CYSLTR2: variants seen among roughly 807,000 people sequenced by gnomAD.
CYSLTR2 encodes G-protein coupled receptor GPCR21.
For missense variants in CYSLTR2, 398 were observed against 411.9 expected, an observed-to-expected ratio of 0.97 and a Z score of 0.29; for synonymous variants, 179 against 160.8, an observed-to-expected ratio of 1.11 and a Z score of -0.86.
chr13:48,686,916 G>A (rs1297189135), intron 1 of CYSLTR2, among the ~76,000 whole-genome samples: 6 of 152,184 alleles, frequency 3.9e-5, no homozygotes, highest in East Asian at 1.9e-4. Context: ...TGACTTCTGC[G>A]TATGTCTGTG....
At chr13:48,672,274 C>A (rs991436354) in intron 1 of CYSLTR2, among the ~76,000 whole-genome samples, 1 of 152,026 alleles carries the variant, frequency 6.6e-6, no homozygotes, top group African/African-American at 2.4e-5. Context: ...GTGTCTCTAT[C>A]TCTTTCAGTT....
chr13:48,674,874 C>A (rs7982278), intron 1 of CYSLTR2, among the ~76,000 whole-genome samples: 31,229 of 152,176 alleles, frequency 0.21, 3,451 homozygotes, highest in South Asian at 0.27. Context: ...TTCTAACAGT[C>A]AGGCCTGTCT....
chr13:48,670,262 G>T (rs150809170), intron 1 of CYSLTR2, among the ~76,000 whole-genome samples: 1 of 152,268 alleles, frequency 6.6e-6, no homozygotes, highest in African/African-American at 2.4e-5. Context: ...CTTTTGCTGT[G>T]CAGAAGCTCT....
At chr13:48,688,427 G>A (rs1953951470) in intron 1 of CYSLTR2, among the ~76,000 whole-genome samples, 1 of 152,072 alleles carries the variant, frequency 6.6e-6, no homozygotes, top group Non-Finnish European at 1.5e-5. Context: ...TGGCCAATAG[G>A]CCCTGATGTG....
intron 1 of CYSLTR2, among the ~76,000 whole-genome samples, chr13:48,677,281 A>T (rs1028237055): frequency 1.3e-5 from 2 of 151,416 alleles, no homozygotes; most frequent in African/African-American, 4.8e-5. Flanking sequence ...GTCTCCTCTG[A>T]GGTGGAGGGC....
chr13:48,660,650 T>C (rs1953105042), intron 1 of CYSLTR2, among the ~76,000 whole-genome samples: 1 of 152,208 alleles, frequency 6.6e-6, no homozygotes, highest in African/African-American at 2.4e-5. Context: ...TGTGTTTCTG[T>C]TTTGATCTCC....
chr13:48,704,526 T>C (rs1954433526), intron 4 of CYSLTR2, among the ~76,000 whole-genome samples: 2 of 152,162 alleles, frequency 1.3e-5, no homozygotes, highest in Admixed American at 1.3e-4. Flanking sequence ...CTTTTTTTTT[T>C]TCTTGAGGAT....
In CYSLTR2 at chr13:48,670,048, A is replaced by G. The variant is rs537374785; in HGVS notation, c.-266+16031A>G. 6.6e-5 allele frequency among the ~76,000 whole-genome samples: 10 copies of G among 152,202 alleles called. 1 individual carries two copies. In the South Asian group the frequency reaches 1.9e-3, roughly 28 times the overall value. ...GACCAGTGATGATGAGCTTTTCTTC[A>G]TATGTTTGTTGGCCGCATAAATATC... is the stretch of plus-strand genomic sequence containing the variant. On this transcript the variant is annotated intron_variant, in intron 1 of 4. Transcript: ENST00000682523.
rs1437510836 is a variant in CYSLTR2, at chr13:48,707,246, C to G, written c.429C>G (p.Pro143=). Residue 143 remains proline (P), a synonymous_variant, in exon 5 of 5, where the codon CCC becomes CCG. Transcript: ENST00000682523. ...SVVRFLAMVH[P]FRLLHVTSIR... ...TGCGTTTCCTGGCAATGGTTCACCC[C>G]TTTCGGCTTCTGCATGTCACCAGCA... 1 of 1,614,064 alleles carries G rather than the reference C, an allele frequency of 6.2e-7. No individual in the cohort carries two copies. The highest frequency in any genetic ancestry group is 8.5e-7 in the Non-Finnish European group (1 of 1,180,032).
intron 1 of CYSLTR2, among the ~76,000 whole-genome samples, chr13:48,659,617 T>C (rs1055221020): frequency 6.6e-6 from 1 of 152,200 alleles, no homozygotes; most frequent in Non-Finnish European, 1.5e-5. Flanking sequence ...AGTCATGTCA[T>C]TTAGTTACCT....
intron 4 of CYSLTR2, among the ~76,000 whole-genome samples, chr13:48,700,762 C>T (rs984835338): frequency 3.9e-5 from 6 of 152,048 alleles, no homozygotes; most frequent in East Asian, 1.9e-4. Flanking sequence ...AAAACCCCAT[C>T]GTCTCAGCCC....
At chr13:48,665,531 TG>T (rs938315901) in intron 1 of CYSLTR2, among the ~76,000 whole-genome samples, 3 of 152,132 alleles carry the variant, frequency 2.0e-5, no homozygotes, top group Non-Finnish European at 4.4e-5. Flanking sequence ...TGTTATTTTT[TG>T]GTGAATTCAT....
At chr13:48,700,085 G>A (rs571368334) in intron 4 of CYSLTR2, among the ~76,000 whole-genome samples, 1 of 152,292 alleles carries the variant, frequency 6.6e-6, no homozygotes, top group Admixed American at 6.5e-5. Context: ...AATTCTACCA[G>A]AGGTACAAAG....
chr13:48,689,613 T>C (rs866860803), intron 1 of CYSLTR2, among the ~76,000 whole-genome samples: 4 of 106,882 alleles, frequency 3.7e-5, no homozygotes, highest in South Asian at 6.4e-4. Context: ...TTGGTCTATA[T>C]ATCTGTTTTT....
At position 48,711,009 on chromosome 13, in the gene CYSLTR2, A is replaced by G. The variant is rs1209885492; in HGVS notation, c.*3151A>G. 6.6e-6 allele frequency: 1 copy of G among 152,142 alleles called. No homozygotes were observed. The highest frequency in any genetic ancestry group is 1.5e-5 in the Non-Finnish European group (1 of 68,030). The allele number at this position is 152,142 out of a possible 1,614,324, so 9.4% of individuals were successfully genotyped here. A position where few individuals can be genotyped will look rare whatever the true frequency, so the allele number is the denominator to read the frequency against. On this transcript the variant is annotated 3_prime_UTR_variant, in exon 5 of 5. Transcript: ENST00000682523. Reference sequence around the variant, plus strand: ...GAAAATGCATAATAACTAAATCTGGAAAATGATGAATAGCTGTACAACCAT... The same window carrying G: ...GAAAATGCATAATAACTAAATCTGGGAAATGATGAATAGCTGTACAACCAT...
chr13:48,690,691 T>C (rs1454544115), intron 1 of CYSLTR2, among the ~76,000 whole-genome samples: 1 of 152,184 alleles, frequency 6.6e-6, no homozygotes, highest in Admixed American at 6.5e-5. Context: ...TTGATGTTCA[T>C]CAGGGAAATT....
At chr13:48,695,893 A>G (rs1954173538) in intron 3 of CYSLTR2, among the ~76,000 whole-genome samples, 1 of 152,202 alleles carries the variant, frequency 6.6e-6, no homozygotes, top group Non-Finnish European at 1.5e-5. Flanking sequence ...TTATGTAACC[A>G]TATGTTTTCA....
chr13:48,658,171 T>C (rs76904416), intron 1 of CYSLTR2, among the ~76,000 whole-genome samples: 16 of 152,224 alleles, frequency 1.1e-4, no homozygotes, highest in African/African-American at 3.9e-4. Context: ...CTCCAAGATA[T>C]AAAGGGTGCT....
At chr13:48,655,793 G>T (rs537027330) in intron 1 of CYSLTR2, among the ~76,000 whole-genome samples, 2 of 152,288 alleles carry the variant, frequency 1.3e-5, no homozygotes, top group Admixed American at 6.5e-5. Context: ...AGAGAACATA[G>T]GATCTTTCCC....
Sources: allele counts gnomAD v4.1 joint callset (sites outside exome capture counted in the v4.1 genomes callset), GRCh38; gene constraint gnomAD v4.1.1; transcripts MANE v1.5; gene names NCBI Gene and HGNC (gene_info 2026-07-23, HGNC 2026-07-21).